Variants in XKR6 observed in about 807,000 individuals in gnomAD.
XKR6 encodes XK-related protein 6.
A neutral mutation model predicts 56.7 loss-of-function variants in XKR6; 22 were observed. The observed-to-expected ratio is 0.39, with a 90% CI of 0.28 to 0.55. The LOEUF is 0.55. Among genes scored for constraint, XKR6 ranks in the 20% least tolerant of loss-of-function variants. The pLI, the probability that XKR6 is intolerant of heterozygous loss-of-function variation, is 0.66. For missense variants in XKR6, 852 were observed against 889.0 expected (o/e 0.96, Z 0.53); for synonymous variants, 524 against 387.8 (o/e 1.35, Z -4.13).
intron 1 of XKR6, among the ~76,000 whole-genome samples, chr8:11,082,096 T>G (rs1328233542): frequency 6.6e-6 from 1 of 152,180 alleles, no homozygotes. Flanking sequence ...CTCACCTCCT[T>G]CCACTGCCAG....
intron 1 of XKR6, among the ~76,000 whole-genome samples, chr8:10,995,451 A>G (rs1037905649): frequency 2.0e-5 from 3 of 147,452 alleles, no homozygotes; most frequent in African/African-American, 7.4e-5. Context: ...TATCTAATAT[A>G]TATATTATAT....
chr8:11,045,414 A>G (rs751891672), intron 1 of XKR6, among the ~76,000 whole-genome samples: 6 of 152,142 alleles, frequency 3.9e-5, no homozygotes, highest in Non-Finnish European at 8.8e-5. Context: ...GATATTAAAT[A>G]TATCAATCTG....
Position 11,082,950 on chromosome 8 carries a change from G to A in XKR6, c.764+117626C>T, listed in dbSNP as rs529853891. On this transcript the variant is annotated intron_variant, in intron 1 of 2. Transcript: ENST00000416569. ...ATTTCTCGTCTTTATAGCTGCTGCG[G>A]CCAGGTAGCCCTAGGCAGGGCTTCC... Among the ~76,000 whole-genome samples, 28 of 152,272 alleles carry A rather than the reference G, an allele frequency of 1.8e-4. 1 individual carries two copies. The South Asian group carries it at 5.2e-3, about 28-fold the overall frequency.
At chr8:11,087,674 C>T (rs935992142) in intron 1 of XKR6, among the ~76,000 whole-genome samples, 4 of 152,214 alleles carry the variant, frequency 2.6e-5, no homozygotes, top group African/African-American at 9.6e-5. Context: ...TGGAGGGAAC[C>T]TGGACTTCCA....
Position 10,970,805 on chromosome 8 carries a change from T to TAA in XKR6, c.765-45977_765-45976dup, listed in dbSNP as rs34166964. On this transcript the variant is annotated intron_variant, in intron 1 of 2. Coordinates refer to ENST00000416569, the MANE Select transcript of XKR6 (RefSeq NM_173683.4). ...AAAGGAGCAAAATGAAAAGGATCCTTAAAAAAAAAAAAAAAAACCTCTGTA... is the reference window on the plus strand; with the variant it reads ...AAAGGAGCAAAATGAAAAGGATCCTTAAAAAAAAAAAAAAAAAAACCTCTGTA... 1.7e-3 allele frequency among the ~76,000 whole-genome samples: 231 copies of TAA among 133,128 alleles called. 1 individual carries two copies. Among genetic ancestry groups the TAA allele is most frequent in the African/African-American group, 5.2e-3 (194 of 37,180 alleles). 87.3% of individuals were successfully genotyped at this position (133,128 alleles called of 152,430 possible). A position where few individuals can be genotyped will look rare whatever the true frequency, so the allele number is the denominator to read the frequency against.
At chr8:11,199,980 A>AG (rs1320018710) in intron 1 of XKR6, among the ~76,000 whole-genome samples, 1 of 152,210 alleles carries the variant, frequency 6.6e-6, no homozygotes, top group Non-Finnish European at 1.5e-5. Flanking sequence ...ACCAAAAAAA[A>AG]AAAAAGTCTT....
chr8:10,975,085 G>C (rs935317057), intron 1 of XKR6, among the ~76,000 whole-genome samples: 3 of 152,224 alleles, frequency 2.0e-5, no homozygotes, highest in South Asian at 4.1e-4. Context: ...TAGAGGCCTC[G>C]GTTTCTCTCT....
At chr8:11,054,468 G>A (rs1799631229) in intron 1 of XKR6, among the ~76,000 whole-genome samples, 1 of 152,186 alleles carries the variant, frequency 6.6e-6, no homozygotes, top group Non-Finnish European at 1.5e-5. Flanking sequence ...TGCCATTTAC[G>A]TTGTAGATCA....
At chr8:10,908,126 G>A (rs751116932) in intron 2 of XKR6, among the ~76,000 whole-genome samples, 2 of 152,218 alleles carry the variant, frequency 1.3e-5, no homozygotes, top group African/African-American at 2.4e-5. Flanking sequence ...GGCCAGGCAC[G>A]TGAGCAGAAG....
chr8:10,954,607 G>T (rs1370917191), intron 1 of XKR6, among the ~76,000 whole-genome samples: 6 of 152,132 alleles, frequency 3.9e-5, no homozygotes, highest in Admixed American at 2.6e-4. Context: ...TCTATGGGTT[G>T]TCTTTTCACT....
At chr8:11,071,868 A>AT (rs35557432) in intron 1 of XKR6, among the ~76,000 whole-genome samples, 56,522 of 152,110 alleles carry the variant, frequency 0.37, 12,346 homozygotes, top group African/African-American at 0.6. Flanking sequence ...ATCACAGGGA[A>AT]TCACTCTTCC....
At chr8:11,098,425 GT>G (rs1798343909) in intron 1 of XKR6, among the ~76,000 whole-genome samples, 2 of 152,162 alleles carry the variant, frequency 1.3e-5, no homozygotes, top group Non-Finnish European at 2.9e-5. Flanking sequence ...GCAGTCTCGA[GT>G]TTTTCCTGAC....
Position 11,123,833 on chromosome 8 carries a change from G to C in XKR6, c.764+76743C>G, listed in dbSNP as rs774998197. The C allele has an allele frequency of 3.1e-5, 14 of 456,090 alleles. No individual in the cohort carries two copies. In the East Asian group the frequency reaches 9.7e-4, roughly 32 times the overall value. 28.3% of individuals were successfully genotyped at this position (456,090 alleles called of 1,614,324 possible). On this transcript the variant is annotated intron_variant, in intron 1 of 2. Transcript: ENST00000416569. ...CACTATTTGGAAATAAACACACCAA[G>C]GCAGTTCCAGTGTCCCGTGGTCCCC... is the stretch of plus-strand genomic sequence containing the variant.
At chr8:11,051,214 G>T (rs1799539263) in intron 1 of XKR6, among the ~76,000 whole-genome samples, 1 of 151,768 alleles carries the variant, frequency 6.6e-6, no homozygotes, top group African/African-American at 2.4e-5. Context: ...TCTTCTTCCT[G>T]GTTTGCTTCT....
chr8:10,958,803 G>A (rs1801972953), intron 1 of XKR6, among the ~76,000 whole-genome samples: 1 of 152,214 alleles, frequency 6.6e-6, no homozygotes, highest in African/African-American at 2.4e-5. Flanking sequence ...GTACAACTTA[G>A]CTTCCAGAAC....
intron 1 of XKR6, among the ~76,000 whole-genome samples, chr8:11,048,548 G>A (rs756796837): frequency 5.3e-5 from 8 of 152,162 alleles, no homozygotes; most frequent in South Asian, 2.1e-4. Flanking sequence ...CAACTCCTAC[G>A]TGTCTGAGTG....
chr8:11,067,455 G>A (rs1800010953), intron 1 of XKR6, among the ~76,000 whole-genome samples: 1 of 152,176 alleles, frequency 6.6e-6, no homozygotes, highest in African/African-American at 2.4e-5. Flanking sequence ...CATCCCTGAG[G>A]GCTTTTTGAG....
intron 1 of XKR6, among the ~76,000 whole-genome samples, chr8:11,080,429 C>T (rs1406014240): frequency 6.6e-6 from 1 of 152,186 alleles, no homozygotes; most frequent in African/African-American, 2.4e-5. Context: ...TCTGCAATTC[C>T]TCTGACCTGA....
At chr8:11,005,196 G>T (rs1480544407) in intron 1 of XKR6, among the ~76,000 whole-genome samples, 3 of 151,916 alleles carry the variant, frequency 2.0e-5, no homozygotes, top group Admixed American at 6.6e-5. Flanking sequence ...CACATCCCAA[G>T]CAGAATGACG....
Sources: allele counts gnomAD v4.1 joint callset (sites outside exome capture counted in the v4.1 genomes callset), GRCh38; gene constraint gnomAD v4.1.1; transcripts MANE v1.5; gene names NCBI Gene and HGNC (gene_info 2026-07-23, HGNC 2026-07-21).